The following OPHN1 variants were observed in gnomAD, a reference collection of about 807,000 sequenced individuals.
The protein encoded by OPHN1 is oligophrenin 1, also known as oligophrenin-1.
In OPHN1, 11 loss-of-function variants were observed where a neutral mutation model predicts 60.7. The observed-to-expected ratio is 0.18, with a 90% CI of 0.11 to 0.30. The LOEUF is 0.30. Among genes scored for constraint, OPHN1 ranks in the 10% least tolerant of loss-of-function variants. OPHN1 has a pLI of 1.00. For missense variants in OPHN1, 449 were observed against 611.0 expected (o/e 0.73, Z 2.80); for synonymous variants, 226 against 222.6 (o/e 1.02, Z -0.14).
chrX:68,289,428 T>C (rs1042708742), intron 3 of OPHN1, among the ~76,000 whole-genome samples: 1 of 112,298 alleles, frequency 8.9e-6, no homozygotes, highest in Non-Finnish European at 1.9e-5. Flanking sequence ...TTTAGCAAGG[T>C]CATATAAATT....
At chrX:68,191,669 C>A (rs976506829) in intron 15 of OPHN1, among the ~76,000 whole-genome samples, 1 of 112,071 alleles carries the variant, frequency 8.9e-6, no homozygotes, top group Non-Finnish European at 1.9e-5. Context: ...CAGCTTGCTT[C>A]TTAAAAGCAC....
chrX:68,237,735 T>C (rs200686686), intron 5 of OPHN1, among the ~76,000 whole-genome samples: 2 of 111,894 alleles, frequency 1.8e-5, no homozygotes, highest in East Asian at 5.6e-4. Context: ...ACAATGTTGT[T>C]GAACTCCTTC....
chrX:68,318,197 A>G (rs1214115909), intron 2 of OPHN1, among the ~76,000 whole-genome samples: 2 of 112,347 alleles, frequency 1.8e-5, no homozygotes, highest in African/African-American at 3.2e-5. Context: ...AAACAAGTAC[A>G]TGTAATTCTA....
intron 6 of OPHN1, among the ~76,000 whole-genome samples, chrX:68,222,667 C>A (rs1241034882): frequency 9.4e-6 from 1 of 106,117 alleles, no homozygotes; most frequent in African/African-American, 3.4e-5. Context: ...TCTCAGTAAA[C>A]TATCGCAAGA....
intron 2 of OPHN1, among the ~76,000 whole-genome samples, chrX:68,301,003 T>C (rs2078117042): frequency 8.9e-6 from 1 of 111,924 alleles, no homozygotes; most frequent in African/African-American, 3.2e-5. Context: ...TAAAACACTA[T>C]ATCTACAAAA....
At chrX:68,100,949 T>C (rs2147410714) in intron 18 of OPHN1, among the ~76,000 whole-genome samples, 1 of 110,532 alleles carries the variant, frequency 9.0e-6, no homozygotes. Flanking sequence ...GGTTTCACCA[T>C]GTTAGCCAGG....
chrX:68,112,932 T>G (rs2077111379), intron 17 of OPHN1, among the ~76,000 whole-genome samples: 1 of 112,313 alleles, frequency 8.9e-6, no homozygotes. Context: ...AAAGCCTTTA[T>G]ATTCACACAA....
At chrX:68,122,092 C>G (rs1397554477) in intron 15 of OPHN1, among the ~76,000 whole-genome samples, 1 of 110,999 alleles carries the variant, frequency 9.0e-6, no homozygotes, top group Non-Finnish European at 1.9e-5. Flanking sequence ...ACGTTCCCAG[C>G]TGTGGTAGCT....
Position 68,043,972 on chromosome X carries a change from T to A in OPHN1, c.*3200A>T, listed in dbSNP as rs1346815730. 3.6e-5 allele frequency: 4 copies of A among 111,767 alleles called. No homozygotes were observed. The highest frequency in any genetic ancestry group is 7.5e-5 in the Non-Finnish European group (4 of 53,220). The allele number at this position is 111,767 out of a possible 1,213,427, so 9.2% of individuals were successfully genotyped here. ...ACACCTGTGAGGACCTTTTTACTTT[T>A]TGAAAAATGGCAAGCCAAGGACTTA... On this transcript the variant is annotated 3_prime_UTR_variant, in exon 25 of 25. Coordinates refer to ENST00000355520, the MANE Select transcript of OPHN1 (RefSeq NM_002547.3).
In OPHN1 at chrX:68,101,580, A is replaced by C. The variant is rs141181412; in HGVS notation, c.1527-4551T>G. Among the ~76,000 whole-genome samples the C allele has an allele frequency of 4.8e-3, 540 of 112,434 alleles. 7 individuals carry two copies. The highest frequency in any genetic ancestry group is 0.033 in the Admixed American group (355 of 10,639). ...CTAGGGGTGATTAATGAGTATTTAA[A>C]GACTCAGGTAAAAGTCAGAGGGGCT... On this transcript the variant is annotated intron_variant, in intron 18 of 24. Coordinates refer to ENST00000355520, the MANE Select transcript of OPHN1 (RefSeq NM_002547.3).
chrX:68,426,894 A>C lies in OPHN1; in HGVS notation c.154+5973T>G, dbSNP rs1323874528. On this transcript the variant is annotated intron_variant, in intron 2 of 24. Coordinates refer to ENST00000355520, the MANE Select transcript of OPHN1 (RefSeq NM_002547.3). ...AGACTCTGTCTCTTAAAACAAACAA[A>C]AAAAAAAAAACAAAAACATACTTAT... Among the ~76,000 whole-genome samples the C allele has an allele frequency of 7.2e-5, 7 of 97,087 alleles. 1 individual carries two copies. In the East Asian group the frequency reaches 9.7e-4, roughly 13 times the overall value. 84.3% of individuals were successfully genotyped at this position (97,087 alleles called of 115,157 possible). A position where few individuals can be genotyped will look rare whatever the true frequency, so the allele number is the denominator to read the frequency against.
At chrX:68,250,060 T>C (rs1247892455) in intron 5 of OPHN1, among the ~76,000 whole-genome samples, 1 of 112,286 alleles carries the variant, frequency 8.9e-6, no homozygotes, top group Non-Finnish European at 1.9e-5. Context: ...CAGCAACTTC[T>C]CAGACAGCCA....
intron 15 of OPHN1, among the ~76,000 whole-genome samples, chrX:68,125,917 A>ATAACCAC (rs1338372328): frequency 1.2e-5 from 1 of 81,169 alleles, no homozygotes; most frequent in Non-Finnish European, 2.4e-5. Flanking sequence ...GCTATTGGCC[A>ATAACCAC]TAACCACTGA....
chrX:68,050,697 A>G (rs772504082), intron 23 of OPHN1, among the ~76,000 whole-genome samples: 2 of 112,001 alleles, frequency 1.8e-5, no homozygotes, highest in East Asian at 5.7e-4. Flanking sequence ...CCCAACTCAT[A>G]TATCACCTCC....
At chrX:68,327,797 T>TAAAAAAAAAA (rs35324033) in intron 2 of OPHN1, among the ~76,000 whole-genome samples, 1 of 67,360 alleles carries the variant, frequency 1.5e-5, no homozygotes, top group Non-Finnish European at 2.8e-5. Flanking sequence ...ATAAAAAAAA[T>TAAAAAAAAAA]AAAAAAAAAA....
intron 4 of OPHN1, among the ~76,000 whole-genome samples, chrX:68,276,895 T>C (rs1027798765): frequency 9.0e-6 from 1 of 110,893 alleles, no homozygotes; most frequent in African/African-American, 3.3e-5. Flanking sequence ...CAATGTCTCA[T>C]ACCAGCTGAA....
intron 2 of OPHN1, among the ~76,000 whole-genome samples, chrX:68,337,399 G>T (rs752892350): frequency 8.9e-6 from 1 of 111,988 alleles, no homozygotes; most frequent in South Asian, 3.7e-4. Context: ...GAGGAATATA[G>T]CAACGAAAAA....
chrX:68,066,366 C>T (rs2147362934), intron 20 of OPHN1, among the ~76,000 whole-genome samples: 1 of 111,571 alleles, frequency 9.0e-6, no homozygotes, highest in South Asian at 3.9e-4. Flanking sequence ...ATCACCATCT[C>T]AAGAGAGCCA....
chrX:68,358,861 CCAAATCACA>C (rs2078455576), intron 2 of OPHN1, among the ~76,000 whole-genome samples: 2 of 111,503 alleles, frequency 1.8e-5, no homozygotes, highest in South Asian at 7.6e-4. Context: ...GTAACTTGTC[CCAAATCACA>C]CGACTGTTAA....
Sources: allele counts gnomAD v4.1 joint callset (sites outside exome capture counted in the v4.1 genomes callset), GRCh38; gene constraint gnomAD v4.1.1; transcripts MANE v1.5; gene names NCBI Gene and HGNC (gene_info 2026-07-23, HGNC 2026-07-21).